SAMMSON: variants seen among roughly 807,000 people sequenced by gnomAD.
SAMMSON encodes the protein long intergenic non-protein coding RNA 1212.
At chr3:70,364,727 G>T (rs1702906520) in intron 9 of SAMMSON, among the ~76,000 whole-genome samples, 1 of 151,636 alleles carries the variant, frequency 6.6e-6, no homozygotes, top group Non-Finnish European at 1.5e-5. Context: ...ATCTTCTTTT[G>T]CAGGACTCTG....
chr3:70,272,994 C>T (rs1701988631), intron 6 of SAMMSON, among the ~76,000 whole-genome samples: 1 of 152,194 alleles, frequency 6.6e-6, no homozygotes, highest in African/African-American at 2.4e-5. Flanking sequence ...CAGTCCAGGT[C>T]AAATCACTTC....
chr3:70,341,667 G>C (rs561894823), intron 7 of SAMMSON, among the ~76,000 whole-genome samples: 1 of 152,160 alleles, frequency 6.6e-6, no homozygotes, highest in African/African-American at 2.4e-5. Context: ...CTCTTGTCAA[G>C]AATATAAATG....
intron 4 of SAMMSON, among the ~76,000 whole-genome samples, chr3:70,164,254 A>C (rs982976988): frequency 6.6e-6 from 1 of 151,976 alleles, no homozygotes; most frequent in African/African-American, 2.4e-5. Context: ...ACACTTGCCT[A>C]ATTTTTCTGA....
chr3:70,028,186 C>T (rs113532416), intron 3 of SAMMSON, among the ~76,000 whole-genome samples: 48,806 of 101,754 alleles, frequency 0.48, 9,480 homozygotes, highest in East Asian at 0.66. Context: ...TTCCTTCCTT[C>T]CTTTCTTTCT....
intron 7 of SAMMSON, among the ~76,000 whole-genome samples, chr3:70,304,787 C>T (rs1403073): frequency 0.21 from 31,328 of 152,080 alleles, 3,402 homozygotes; most frequent in South Asian, 0.28. Flanking sequence ...TAGAATCTCC[C>T]GTGGCTTCTA....
intron 4 of SAMMSON, among the ~76,000 whole-genome samples, chr3:70,152,458 C>T (rs2067575618): frequency 6.6e-6 from 1 of 152,030 alleles, no homozygotes; most frequent in Admixed American, 6.6e-5. Context: ...TGGGTACCTT[C>T]TTCTATATGT....
chr3:70,334,931 T>G (rs1341552147), intron 7 of SAMMSON, among the ~76,000 whole-genome samples: 1 of 152,088 alleles, frequency 6.6e-6, no homozygotes, highest in East Asian at 1.9e-4. Context: ...TCCTTCCTTG[T>G]GACTTTTTTA....
At chr3:70,406,387 T>G (rs919946302) in intron 2 of SAMMSON, among the ~76,000 whole-genome samples, 2 of 152,150 alleles carry the variant, frequency 1.3e-5, no homozygotes, top group African/African-American at 4.8e-5. Flanking sequence ...CTGAGAGAAT[T>G]TGTGCTAACA....
chr3:70,286,050 C>T (rs576116564), intron 6 of SAMMSON, among the ~76,000 whole-genome samples: 1 of 152,068 alleles, frequency 6.6e-6, no homozygotes, highest in African/African-American at 2.4e-5. Flanking sequence ...TGTGCAGAAG[C>T]TCTTTAGTTT....
chr3:70,296,813 C>T (rs190139333), intron 7 of SAMMSON, among the ~76,000 whole-genome samples: 1 of 152,242 alleles, frequency 6.6e-6, no homozygotes, highest in East Asian at 1.9e-4. Context: ...TCAGCCCACA[C>T]TGTAGCTGGA....
At chr3:70,271,341 T>C (rs566390719) in intron 6 of SAMMSON, among the ~76,000 whole-genome samples, 1 of 152,256 alleles carries the variant, frequency 6.6e-6, no homozygotes, top group South Asian at 2.1e-4. Context: ...ATAAACTGTG[T>C]TGTGGCTACT....
At chr3:70,229,668 G>T (rs908042519) in intron 4 of SAMMSON, among the ~76,000 whole-genome samples, 2 of 152,080 alleles carry the variant, frequency 1.3e-5, no homozygotes, top group Non-Finnish European at 2.9e-5. Context: ...AAATATGGTA[G>T]ACAACTCTGA....
chr3:70,394,967 G>A (rs926464277), intron 2 of SAMMSON, among the ~76,000 whole-genome samples: 1 of 152,128 alleles, frequency 6.6e-6, no homozygotes, highest in Non-Finnish European at 1.5e-5. Flanking sequence ...TTGAAATCAT[G>A]CATTAAAATA....
intron 4 of SAMMSON, among the ~76,000 whole-genome samples, chr3:70,104,706 C>T (rs2067360141): frequency 6.6e-6 from 1 of 152,126 alleles, no homozygotes; most frequent in Admixed American, 6.5e-5. Flanking sequence ...TCAAGAGATT[C>T]CACAGAAACT....
intron 2 of SAMMSON, among the ~76,000 whole-genome samples, chr3:70,415,355 G>A (rs1275378046): frequency 6.6e-6 from 1 of 151,770 alleles, no homozygotes; most frequent in East Asian, 1.9e-4. Flanking sequence ...GAGTTGCTGT[G>A]AATAAAAAAA....
chr3:70,261,977 A>C lies in SAMMSON; in HGVS notation n.674+12307A>C, dbSNP rs76512240. 5.1e-3 allele frequency among the ~76,000 whole-genome samples: 783 copies of C among 152,130 alleles called. 2 individuals carry two copies. Among genetic ancestry groups the C allele is most frequent in the African/African-American group, 0.018 (730 of 41,500 alleles). ...GCCCTGCCAGCACTTCTGCATACCA[A>C]CCTGTCCTTCCTTACCCATAAGAGT... On this transcript the variant is annotated intron_variant and non_coding_transcript_variant, in intron 6 of 9. Transcript: ENST00000642114.
At chr3:70,428,960 A>G (rs1701392469) in intron 2 of SAMMSON, among the ~76,000 whole-genome samples, 1 of 152,178 alleles carries the variant, frequency 6.6e-6, no homozygotes, top group Non-Finnish European at 1.5e-5. Flanking sequence ...AGAATAAGTG[A>G]TAGAAACATA....
intron 4 of SAMMSON, among the ~76,000 whole-genome samples, chr3:70,099,383 GTCAGATTTGTGTA>G (rs2067334527): frequency 2.6e-5 from 4 of 152,216 alleles, no homozygotes; most frequent in Admixed American, 2.6e-4. Context: ...ACTCGGTATT[GTCAGATTTGTGTA>G]TCTGATGGGT....
At chr3:70,216,691 A>G (rs1236737021) in intron 4 of SAMMSON, among the ~76,000 whole-genome samples, 1 of 152,158 alleles carries the variant, frequency 6.6e-6, no homozygotes, top group African/African-American at 2.4e-5. Flanking sequence ...ATTGAAAAAC[A>G]TACTCAGGTC....
Sources: allele counts gnomAD v4.1 joint callset (sites outside exome capture counted in the v4.1 genomes callset), GRCh38; gene constraint gnomAD v4.1.1; transcripts MANE v1.5; gene names NCBI Gene and HGNC (gene_info 2026-07-23, HGNC 2026-07-21).